The following SYNPO2L variants were observed in gnomAD, a reference collection of about 807,000 sequenced individuals.
SYNPO2L encodes the protein synaptopodin 2-like protein.
SYNPO2L carries 34 observed loss-of-function variants against 47.5 expected under a neutral mutation model. The observed-to-expected ratio is 0.72, with a 90% CI of 0.54 to 0.95. SYNPO2L has a LOEUF of 0.95. Among genes scored for constraint, SYNPO2L ranks in the 40% least tolerant of loss-of-function variants. The pLI is 0.00. For missense variants in SYNPO2L, 1,246 were observed against 1,282.0 expected (o/e 0.97, Z 0.43); for synonymous variants, 536 against 524.9 (o/e 1.02, Z -0.29).
At chr10:73,651,946 G>A (rs187749513) in intron 3 of SYNPO2L, among the ~76,000 whole-genome samples, 38 of 151,160 alleles carry the variant, frequency 2.5e-4, no homozygotes, top group African/African-American at 9.0e-4. Context: ...GTAGTGGCGG[G>A]CACCTGTAAT....
At position 73,655,879 on chromosome 10, in the gene SYNPO2L, G is replaced by A. The variant is rs761161306; in HGVS notation, c.44C>T (p.Ala15Val). 17 of 1,551,208 alleles carry A rather than the reference G, an allele frequency of 1.1e-5. No individual in the cohort carries two copies. The highest frequency in any genetic ancestry group is 1.4e-5 in the Non-Finnish European group (16 of 1,146,888). ...CCCATGAAGTCGGAAGCCCCAGGGG[G>A]CTCCCCCTGATAGTGTGACCAGCAC... ...EEVLVTLSGG[A>V]PWGFRLHGGA... is the part of the protein sequence containing the mutation. The change falls in exon 1 of 4, where the codon GCC becomes GTC. Residue 15 changes from alanine (A) to valine (V), a missense_variant. Around this residue, in one of 3 missense-constraint regions of SYNPO2L, gnomAD observed 61 missense variants for 55.6 expected, o/e 1.10. Coordinates refer to ENST00000394810, the MANE Select transcript of SYNPO2L (RefSeq NM_001114133.3).
intron 3 of SYNPO2L, 87 bp from the exon 4 acceptor site, chr10:73,648,966 C>T (rs753881274): frequency 2.7e-5 from 38 of 1,412,588 alleles, no homozygotes; most frequent in Non-Finnish European, 3.5e-5. Flanking sequence ...CCCATCCCAG[C>T]AAGCTCCCTC....
Position 73,648,255 on chromosome 10 carries a change from C to T in SYNPO2L, c.1397G>A (p.Arg466Gln), listed in dbSNP as rs375000316. 4 of 1,594,954 alleles carry T rather than the reference C, an allele frequency of 2.5e-6. No homozygotes were observed. Among genetic ancestry groups the T allele is most frequent in the South Asian group, 2.2e-5 (2 of 90,788 alleles). ...APTPAPSIFNRSARPFTPGLQ... is the reference protein window; with the variant it reads ...APTPAPSIFNQSARPFTPGLQ... ...GCCCGGGGTAAAGGGCCTGGCTGAC[C>T]GGTTAAAGATGCTTGGAGCTGGGGT... Residue 466 changes from arginine to glutamine, a missense_variant, in exon 4 of 4, where the codon CGG (arginine) becomes CAG (glutamine). Physicochemically the swap from Arg to Gln is conservative, Grantham distance 43. Transcript: ENST00000394810.
In SYNPO2L at chr10:73,646,890, CTCCAGATGGGCTCA is replaced by C. The variant is rs753848077; in HGVS notation, c.2748_2761del (p.Asp916GlufsTer11). On this transcript the variant is annotated frameshift_variant, in exon 4 of 4. Coordinates refer to ENST00000394810, the MANE Select transcript of SYNPO2L (RefSeq NM_001114133.3). LOFTEE classifies it high-confidence loss of function. ...AACAGGGGCTGAGGCCAGTTCTGTT[CTCCAGATGGGCTCA>C]TCCAGTGTAGTGGCTGCTCGGGGGG... The C allele has an allele frequency of 1.4e-5, 22 of 1,568,718 alleles. No individual in the cohort carries two copies. The Admixed American group carries it at 4.0e-4, about 28-fold the overall frequency.
At chr10:73,651,574 G>A (rs1351385358) in intron 3 of SYNPO2L, among the ~76,000 whole-genome samples, 1 of 152,296 alleles carries the variant, frequency 6.6e-6, no homozygotes, top group South Asian at 2.1e-4. Flanking sequence ...TTTACCCTTA[G>A]ACCTTGTTCT....
intron 1 of SYNPO2L, among the ~76,000 whole-genome samples, chr10:73,654,645 A>T (rs1476894612): frequency 1.3e-5 from 2 of 151,804 alleles, no homozygotes; most frequent in Non-Finnish European, 2.9e-5. Context: ...GGAGTTTGAG[A>T]CCAGCCTGGC....
Position 73,648,620 on chromosome 10 carries a change from G to C in SYNPO2L, c.1032C>G (p.Arg344=), listed in dbSNP as rs61737175. 1,987 of 1,614,058 alleles carry C rather than the reference G, an allele frequency of 1.2e-3. 22 individuals carry two copies. In the African/African-American group the frequency reaches 0.024, roughly 20 times the overall value. ...CCCAGTCAGATTGATTGGTGAGGCT[G>C]CGGGCGTCAGAGAAGGCTTCTTCGT... is the stretch of plus-strand genomic sequence containing the variant. ...ELDEEAFSDA[R]SLTNQSDWDS... Residue 344 remains arginine, a synonymous_variant, in exon 4 of 4, where the codon CGC becomes CGG. Transcript: ENST00000394810.
intron 3 of SYNPO2L, among the ~76,000 whole-genome samples, chr10:73,652,066 CAAAAAAAAAAAA>C (rs1178972762): frequency 2.1e-5 from 1 of 47,800 alleles, no homozygotes; most frequent in African/African-American, 5.0e-5. Flanking sequence ...GACTCTATCT[CAAAAAAAAAAAA>C]AAAAAAAAAA....
rs754310220 is a variant in SYNPO2L, at chr10:73,648,157, G to T, written c.1495C>A (p.Leu499Met). Residue 499 changes from leucine (L) to methionine (M), a missense_variant, in exon 4 of 4, where the codon CTG (leucine) becomes ATG (methionine). By Grantham distance (15) the Leu-to-Met change is conservative. Around this residue, in one of 3 missense-constraint regions of SYNPO2L, gnomAD observed 1,037 missense variants for 1,021.5 expected, o/e 1.02. Transcript: ENST00000394810. ...PLAPKRANDS[L>M]GGLSPAPPPF... ...GGTGGGGCGGGGCTGAGGCCCCCCA[G>T]GCTGTCGTTCGCCCTTTTGGGGGCT... is the stretch of plus-strand genomic sequence containing the variant. 4.5e-6 allele frequency: 7 copies of T among 1,549,852 alleles called. No individual in the cohort carries two copies. The highest frequency in any genetic ancestry group is 8.7e-7 in the Non-Finnish European group (1 of 1,149,436).
chr10:73,647,318 A>G lies in SYNPO2L; in HGVS notation c.2334T>C (p.Pro778=). ...RADRYVVEGT[P]GPGLGPRPRS... ...TAGGCCGAGGGCCAAGACCAGGACC[A>G]GGTGTACCTTCCACCACATACCTGT... Residue 778 remains proline (P), a synonymous_variant, in exon 4 of 4, where the codon CCT becomes CCC. Coordinates refer to ENST00000394810, the MANE Select transcript of SYNPO2L (RefSeq NM_001114133.3). 1 of 1,614,086 alleles carries G rather than the reference A, an allele frequency of 6.2e-7. No homozygotes were observed. Among genetic ancestry groups the G allele is most frequent in the Non-Finnish European group, 8.5e-7 (1 of 1,180,010 alleles).
rs899314285 is a variant in SYNPO2L, at chr10:73,647,691, G to A, written c.1961C>T (p.Ser654Leu). ...TKNSPNPELLSLVQNLDEKPR... is the reference protein window; with the variant it reads ...TKNSPNPELLLLVQNLDEKPR... ...CTTTTCATCCAGGTTCTGTACCAGC[G>A]ATAGCAGCTCGGGGTTGGGCGAGTT... Residue 654 changes from serine to leucine, a missense_variant, in exon 4 of 4, where the codon TCG becomes TTG. Ser to Leu is a moderately radical substitution (Grantham distance 145, BLOSUM62 -2). Around this residue, in one of 3 missense-constraint regions of SYNPO2L, gnomAD observed 1,037 missense variants for 1,021.5 expected, o/e 1.02. Transcript: ENST00000394810. 1 of 1,614,174 alleles carries A rather than the reference G, an allele frequency of 6.2e-7. No individual in the cohort carries two copies. Among genetic ancestry groups the A allele is most frequent in the Non-Finnish European group, 8.5e-7 (1 of 1,180,012 alleles).
chr10:73,648,251 T>C lies in SYNPO2L; in HGVS notation c.1401A>G (p.Ser467=), dbSNP rs2081797689. The C allele has an allele frequency of 6.3e-7, 1 of 1,595,268 alleles. No individual in the cohort carries two copies. The highest frequency in any genetic ancestry group is 8.5e-7 in the Non-Finnish European group (1 of 1,174,700). The change falls in exon 4 of 4, where the codon TCA becomes TCG. Residue 467 remains serine (S), a synonymous_variant. Transcript: ENST00000394810. The part of the protein sequence containing the change: ...PTPAPSIFNR[S]ARPFTPGLQG... ...GTAGGCCCGGGGTAAAGGGCCTGGCTGACCGGTTAAAGATGCTTGGAGCTG... is the reference window on the plus strand; with the variant it reads ...GTAGGCCCGGGGTAAAGGGCCTGGCCGACCGGTTAAAGATGCTTGGAGCTG...
chr10:73,648,863 C>T lies in SYNPO2L; in HGVS notation c.789G>A (p.Glu263=), dbSNP rs760491913. ...KAKQAKLQRA[E]SLQEKSIKEA... ...CTTTTATGCTCTTCTCTTGGAGGCT[C>T]TCTGCACGTTGCAGTTCTGGGGAGG... The change falls in exon 4 of 4, where the codon GAG becomes GAA. Residue 263 remains glutamate (E), a synonymous_variant. Transcript: ENST00000394810. 5 of 1,525,384 alleles carry T rather than the reference C, an allele frequency of 3.3e-6. No homozygotes were observed. The highest frequency in any genetic ancestry group is 4.4e-6 in the Non-Finnish European group (5 of 1,137,544). The allele number at this position is 1,525,384 out of a possible 1,614,324, so 94.5% of individuals were successfully genotyped here.
At chr10:73,652,616 G>A (rs895754861) in intron 3 of SYNPO2L, among the ~76,000 whole-genome samples, 6 of 152,146 alleles carry the variant, frequency 3.9e-5, no homozygotes, top group Non-Finnish European at 5.9e-5. Flanking sequence ...GTTGCAATGA[G>A]CCAAGATCAC....
intron 3 of SYNPO2L, chr10:73,650,078 T>C: frequency 1.0e-6 from 1 of 985,284 alleles, no homozygotes. Context: ...CCTGGGTAGG[T>C]GGGGCCAGGA....
At chr10:73,654,361 C>T (rs2081863512) in intron 1 of SYNPO2L, 81 bp from the exon 2 acceptor site, 3 of 1,514,164 alleles carry the variant, frequency 2.0e-6, no homozygotes, top group Non-Finnish European at 2.7e-6. Flanking sequence ...GAAGGACCCA[C>T]AGGAGGGGAT....
intron 2 of SYNPO2L, 137 bp from the exon 3 acceptor site, chr10:73,653,790 G>C: frequency 8.0e-7 from 1 of 1,248,324 alleles, no homozygotes; most frequent in Non-Finnish European, 1.1e-6. Context: ...GTTGGAATGG[G>C]TGGGCCGGGA....
At position 73,646,740 on chromosome 10, in the gene SYNPO2L, C is replaced by T. The variant is rs140354250; in HGVS notation, c.2912G>A (p.Arg971Lys). 13 of 1,502,518 alleles carry T rather than the reference C, an allele frequency of 8.7e-6. No homozygotes were observed. The highest frequency in any genetic ancestry group is 4.2e-5 in the African/African-American group (3 of 71,460). The allele number at this position is 1,502,518 out of a possible 1,614,324, so 93.1% of individuals were successfully genotyped here. A position where few individuals can be genotyped will look rare whatever the true frequency, so the allele number is the denominator to read the frequency against. The change falls in exon 4 of 4, where the codon AGG (arginine) becomes AAG (lysine). Residue 971 changes from arginine to lysine, a missense_variant. Arg to Lys is a conservative substitution (Grantham distance 26, BLOSUM62 2). Transcript: ENST00000394810. ...TRTGLQAHVW[R>K]PGAGHQ is the part of the protein sequence containing the mutation. ...TGTTCACTGGTGCCCTGCCCCAGGC[C>T]TCCACACATGAGCTTGCAATCCTGT...
At position 73,648,081 on chromosome 10, in the gene SYNPO2L, C is replaced by T. The variant is rs779548300; in HGVS notation, c.1571G>A (p.Gly524Glu). ...AGAGACTGGCGCGTGGCTGGGAACC[C>T]CTGAAGTGAAGCTGGGCAGAGGGGT... ...GPTPLPSFTSGVPSHAPVSGS... is the reference protein window; with the variant it reads ...GPTPLPSFTSEVPSHAPVSGS... The change falls in exon 4 of 4, where the codon GGG (glycine) becomes GAG (glutamate). Residue 524 changes from glycine to glutamate, a missense_variant. This residue lies in a region of SYNPO2L where 1,037 missense variants were observed against 1,021.5 expected (regional missense o/e 1.02). Coordinates refer to ENST00000394810, the MANE Select transcript of SYNPO2L (RefSeq NM_001114133.3). The T allele has an allele frequency of 3.7e-5, 59 of 1,573,872 alleles. No individual in the cohort carries two copies. Among genetic ancestry groups the T allele is most frequent in the Non-Finnish European group, 5.1e-5 (59 of 1,161,750 alleles).
Sources: gnomAD v4.1 joint callset for allele counts (sites outside exome capture counted in the v4.1 genomes callset) on GRCh38, gnomAD v4.1.1 for gene constraint, gnomAD v4.1.1 regional missense constraint, MANE v1.5 for transcripts, NCBI Gene and HGNC (gene_info 2026-07-23, HGNC 2026-07-21) for gene names.